The following EXOC5 variants were observed in gnomAD, a reference collection of about 807,000 sequenced individuals.
The protein encoded by EXOC5 is exocyst complex component 5, also known as SEC10-like 1.
Under a neutral mutation model 90.8 loss-of-function variants are expected in EXOC5, and 17 were observed. The ratio of observed to expected loss-of-function variants is 0.19; its 90% CI spans 0.13 to 0.28. The LOEUF is 0.28. Among genes scored for constraint, EXOC5 ranks in the 10% least tolerant of loss-of-function variants. The pLI, the probability that EXOC5 is intolerant of heterozygous loss-of-function variation, is 1.00. For synonymous variants in EXOC5, 260 were observed against 270.0 expected (o/e 0.96, Z 0.36); for missense variants, 569 against 830.6 (o/e 0.69, Z 3.87).
intron 1 of EXOC5, among the ~76,000 whole-genome samples, chr14:57,261,906 A>G (rs1884514054): frequency 6.6e-6 from 1 of 152,172 alleles, no homozygotes; most frequent in Admixed American, 6.5e-5. Context: ...CTATAGTCAT[A>G]GGCCTGTACA....
At chr14:57,238,223 TACACAC>T (rs61373267) in intron 5 of EXOC5, among the ~76,000 whole-genome samples, 2,538 of 125,110 alleles carry the variant, frequency 0.02, 63 homozygotes, top group African/African-American at 0.068. Context: ...CACATATATA[TACACAC>T]ACACACACAC....
At chr14:57,266,622 GTC>G in intron 1 of EXOC5, among the ~76,000 whole-genome samples, 1 of 151,966 alleles carries the variant, frequency 6.6e-6, no homozygotes, top group African/African-American at 2.4e-5. Flanking sequence ...AAGGGCTACT[GTC>G]TCTATTATCA....
intron 1 of EXOC5, among the ~76,000 whole-genome samples, chr14:57,259,507 CTTCTT>C (rs1422528045): frequency 6.6e-6 from 1 of 152,168 alleles, no homozygotes; most frequent in East Asian, 1.9e-4. Flanking sequence ...CTATTCCAGT[CTTCTT>C]TTCAAGCCCA....
At chr14:57,209,246 G>A (rs1882753383) in intron 17 of EXOC5, among the ~76,000 whole-genome samples, 1 of 151,934 alleles carries the variant, frequency 6.6e-6, no homozygotes. Flanking sequence ...AAATATATGG[G>A]CCAGATGTGG....
chr14:57,246,568 T>C, intron 3 of EXOC5, 143 bp downstream of exon 3: 1 of 725,636 alleles, frequency 1.4e-6, no homozygotes, highest in Non-Finnish European at 2.3e-6. Flanking sequence ...TTCATTAACA[T>C]TTTACCCCAT....
chr14:57,253,547 C>A (rs1287484252), intron 1 of EXOC5, among the ~76,000 whole-genome samples: 1 of 152,126 alleles, frequency 6.6e-6, no homozygotes, highest in Admixed American at 6.5e-5. Flanking sequence ...CCCCGAAGAG[C>A]ACAAAACAAT....
intron 1 of EXOC5, among the ~76,000 whole-genome samples, chr14:57,261,764 A>G (rs756933763): frequency 6.6e-6 from 1 of 152,232 alleles, no homozygotes; most frequent in Non-Finnish European, 1.5e-5. Context: ...GTTTACTGTT[A>G]GCTGGGAGTT....
chr14:57,262,648 A>G (rs1287251201), intron 1 of EXOC5, among the ~76,000 whole-genome samples: 1 of 145,236 alleles, frequency 6.9e-6, no homozygotes, highest in Non-Finnish European at 1.5e-5. Flanking sequence ...GTATATATAC[A>G]TATATACATA....
At position 57,268,759 on chromosome 14, in the gene EXOC5, G is replaced by A; in HGVS notation, c.-111C>T. 1.4e-6 allele frequency: 2 copies of A among 1,464,004 alleles called. No homozygotes were observed. Among genetic ancestry groups the A allele is most frequent in the Non-Finnish European group, 1.8e-6 (2 of 1,113,074 alleles). 90.7% of individuals were successfully genotyped at this position (1,464,004 alleles called of 1,614,324 possible). A position where few individuals can be genotyped will look rare whatever the true frequency, so the allele number is the denominator to read the frequency against. ...GCTCGGCTCGCCAGCTCCGGCTCCG[G>A]GCCGCTGCGGGCTCCCCAGCTCCCC... On this transcript the variant is annotated 5_prime_UTR_variant, in exon 1 of 18. Coordinates refer to ENST00000621441, the MANE Select transcript of EXOC5 (RefSeq NM_006544.4).
At position 57,209,688 on chromosome 14, in the gene EXOC5, A is replaced by T. The variant is rs1352364224; in HGVS notation, c.1817T>A (p.Leu606His). The T allele has an allele frequency of 6.2e-7, 1 of 1,612,646 alleles. No homozygotes were observed. The highest frequency in any genetic ancestry group is 1.3e-5 in the African/African-American group (1 of 74,902). ...GATAAGTCGATGAAAACGTACTCCA[A>T]GTTCCATCAAAACTGTATCCACATT... ...GKNVDTVLME[L>H]GVRFHRLIYE... is the part of the protein sequence containing the mutation. Residue 606 changes from leucine (L) to histidine (H), a missense_variant, in exon 17 of 18, where the codon CTT becomes CAT. Around this residue, in one of 9 missense-constraint regions of EXOC5, gnomAD observed 122 missense variants for 180.0 expected, o/e 0.68. Coordinates refer to ENST00000621441, the MANE Select transcript of EXOC5 (RefSeq NM_006544.4).
chr14:57,231,422 A>T, intron 11 of EXOC5, 84 bp downstream of exon 11: 1 of 827,234 alleles, frequency 1.2e-6, no homozygotes, highest in Admixed American at 2.9e-5. Flanking sequence ...TTCTAATGAT[A>T]GTCAACATTT....
At chr14:57,220,223 G>A (rs1367871934) in intron 13 of EXOC5, among the ~76,000 whole-genome samples, 1 of 149,638 alleles carries the variant, frequency 6.7e-6, no homozygotes, top group Non-Finnish European at 1.5e-5. Flanking sequence ...GCCCCCGCAA[G>A]TAAAAGACAA....
chr14:57,263,300 G>A (rs1469117842), intron 1 of EXOC5, among the ~76,000 whole-genome samples: 2 of 151,862 alleles, frequency 1.3e-5, no homozygotes, highest in African/African-American at 2.4e-5. Context: ...ATGAGACCCC[G>A]TCCCTACAAA....
At chr14:57,219,163 A>C (rs1883055295) in intron 14 of EXOC5, among the ~76,000 whole-genome samples, 159 bp downstream of exon 14, 1 of 152,070 alleles carries the variant, frequency 6.6e-6, no homozygotes, top group Admixed American at 6.6e-5. Context: ...CTAATGTTTT[A>C]TTTCCTAAGA....
chr14:57,224,538 C>A (rs183114437), intron 12 of EXOC5, among the ~76,000 whole-genome samples: 1 of 152,200 alleles, frequency 6.6e-6, no homozygotes, highest in Admixed American at 6.5e-5. Context: ...AAGTGGATAA[C>A]CTGAATTGTT....
intron 4 of EXOC5, among the ~76,000 whole-genome samples, chr14:57,242,303 G>A (rs189594672): frequency 2.6e-5 from 4 of 152,000 alleles, no homozygotes; most frequent in Admixed American, 1.3e-4. Flanking sequence ...GGAGTGCAGT[G>A]TGGCAGTCAC....
chr14:57,241,993 T>C (rs542087222), intron 4 of EXOC5, among the ~76,000 whole-genome samples: 9 of 150,992 alleles, frequency 6.0e-5, no homozygotes, highest in South Asian at 2.1e-4. Context: ...ATTAGCCGGG[T>C]ATGGTGGCAG....
At chr14:57,214,846 T>A (rs1219693665) in intron 15 of EXOC5, among the ~76,000 whole-genome samples, 1 of 152,086 alleles carries the variant, frequency 6.6e-6, no homozygotes, top group Non-Finnish European at 1.5e-5. Flanking sequence ...TAGATTGGCA[T>A]AAGATGAAGA....
chr14:57,239,550 A>T (rs1157223867), intron 5 of EXOC5, 45 bp downstream of exon 5: 9 of 1,030,926 alleles, frequency 8.7e-6, no homozygotes, highest in African/African-American at 3.3e-5. Flanking sequence ...TTTATTTTAT[A>T]AATTATACCA....
Sources: gnomAD v4.1 joint callset for allele counts (sites outside exome capture counted in the v4.1 genomes callset) on GRCh38, gnomAD v4.1.1 for gene constraint, gnomAD v4.1.1 regional missense constraint, MANE v1.5 for transcripts, NCBI Gene and HGNC (gene_info 2026-07-23, HGNC 2026-07-21) for gene names.